Variants in HLF observed in about 807,000 individuals in gnomAD.
HLF encodes the protein hepatic leukemia factor.
In HLF, 3 loss-of-function variants were observed where a neutral mutation model predicts 22.6. The observed-to-expected ratio is 0.13, with a 90% CI of 0.06 to 0.34. The LOEUF is 0.34. HLF is among the 10% of genes least tolerant of loss of function. The probability of loss-of-function intolerance (pLI) is 1.00; values close to 1 mark genes in which losing one functional copy is unlikely to be tolerated. For missense variants in HLF, 299 were observed against 389.2 expected (o/e 0.77, Z 1.95); for synonymous variants, 151 against 151.8 (o/e 0.99, Z 0.04).
At chr17:55,287,638 G>GT (rs2081017926) in intron 2 of HLF, among the ~76,000 whole-genome samples, 1 of 152,234 alleles carries the variant, frequency 6.6e-6, no homozygotes, top group Non-Finnish European at 1.5e-5. Context: ...AGTAGTTTAA[G>GT]TTGTTGCACC....
At chr17:55,269,192 A>C (rs1158572004) in intron 2 of HLF, among the ~76,000 whole-genome samples, 1 of 152,202 alleles carries the variant, frequency 6.6e-6, no homozygotes, top group Non-Finnish European at 1.5e-5. Context: ...GAGGAAGAGA[A>C]TACCCCTGCC....
At chr17:55,267,407 G>A (rs2080802485) in intron 1 of HLF, among the ~76,000 whole-genome samples, 1 of 152,186 alleles carries the variant, frequency 6.6e-6, no homozygotes. Context: ...GACAGCAGTT[G>A]TATATAATCA....
intron 2 of HLF, among the ~76,000 whole-genome samples, chr17:55,306,811 T>G (rs922188037): frequency 1.3e-5 from 2 of 152,094 alleles, no homozygotes; most frequent in Non-Finnish European, 2.9e-5. Flanking sequence ...TTCTTTATTC[T>G]TTCTTTATTT....
intron 2 of HLF, among the ~76,000 whole-genome samples, chr17:55,271,171 G>A (rs185325979): frequency 7.9e-5 from 12 of 152,300 alleles, no homozygotes; most frequent in East Asian, 7.7e-4. Context: ...CCTGTCACAC[G>A]CATGGATAAA....
At chr17:55,296,900 GAGCTA>G (rs1435137187) in intron 2 of HLF, among the ~76,000 whole-genome samples, 1 of 152,084 alleles carries the variant, frequency 6.6e-6, no homozygotes, top group African/African-American at 2.4e-5. Flanking sequence ...GGTTGGAGGG[GAGCTA>G]AGTATCTGTA....
chr17:55,277,234 TA>T (rs869126339), intron 2 of HLF, among the ~76,000 whole-genome samples: 1 of 14,484 alleles, frequency 6.9e-5, no homozygotes, highest in African/African-American at 1.6e-4. Context: ...AACCAGATGT[TA>T]TGTGTATGTG....
intron 2 of HLF, among the ~76,000 whole-genome samples, chr17:55,270,818 AT>A (rs763498960): frequency 2.0e-5 from 3 of 151,582 alleles, no homozygotes; most frequent in South Asian, 4.2e-4. Flanking sequence ...TAATTTTTGT[AT>A]TTTTAGTAGA....
chr17:55,277,627 G>GC (rs1454397739), intron 2 of HLF, among the ~76,000 whole-genome samples: 2 of 151,806 alleles, frequency 1.3e-5, no homozygotes, highest in South Asian at 4.2e-4. Context: ...GATCGGATTG[G>GC]GGGGGGTTGG....
chr17:55,311,214 A>G (rs1459880697), intron 2 of HLF, among the ~76,000 whole-genome samples: 1 of 152,244 alleles, frequency 6.6e-6, no homozygotes, highest in Non-Finnish European at 1.5e-5. Context: ...CAAGATGTTC[A>G]GTGTCACCAG....
At chr17:55,277,024 AT>A (rs2080909774) in intron 2 of HLF, among the ~76,000 whole-genome samples, 1 of 152,154 alleles carries the variant, frequency 6.6e-6, no homozygotes, top group Non-Finnish European at 1.5e-5. Context: ...AAAACCCATA[AT>A]TTTGGTGATT....
chr17:55,299,124 G>C (rs1423122545), intron 2 of HLF, among the ~76,000 whole-genome samples: 1 of 152,228 alleles, frequency 6.6e-6, no homozygotes, highest in Non-Finnish European at 1.5e-5. Context: ...AAGGCTGGCA[G>C]TATTAGGAGA....
chr17:55,305,343 G>A (rs78947071), intron 2 of HLF, among the ~76,000 whole-genome samples: 2,146 of 152,322 alleles, frequency 0.014, 49 homozygotes, highest in African/African-American at 0.049. Context: ...GAGAGAGAGG[G>A]AGGTAAAAGA....
intron 2 of HLF, among the ~76,000 whole-genome samples, chr17:55,269,268 A>G (rs893199184): frequency 4.6e-5 from 7 of 152,044 alleles, no homozygotes; most frequent in Non-Finnish European, 4.4e-5. Context: ...TCCAAAATTC[A>G]CTTTGAATTA....
At chr17:55,306,063 T>C (rs1179463874) in intron 2 of HLF, among the ~76,000 whole-genome samples, 1 of 152,300 alleles carries the variant, frequency 6.6e-6, no homozygotes, top group East Asian at 1.9e-4. Context: ...TTACTATCAG[T>C]ATTACTGATA....
At chr17:55,295,794 C>G (rs1271393130) in intron 2 of HLF, among the ~76,000 whole-genome samples, 1 of 152,154 alleles carries the variant, frequency 6.6e-6, no homozygotes, top group African/African-American at 2.4e-5. Flanking sequence ...AGAACTGACC[C>G]TGGAATAAGA....
At chr17:55,279,732 T>G (rs1598391917) in intron 2 of HLF, among the ~76,000 whole-genome samples, 1 of 152,186 alleles carries the variant, frequency 6.6e-6, no homozygotes, top group East Asian at 1.9e-4. Context: ...AAGTGCGTAT[T>G]AGTGAATAGC....
chr17:55,283,370 A>ACT (rs1175653264), intron 2 of HLF: 2 of 152,232 alleles, frequency 1.3e-5, no homozygotes, highest in Admixed American at 1.3e-4. Context: ...GGCTCAGTGA[A>ACT]GAGTTCTGTG....
intron 2 of HLF, among the ~76,000 whole-genome samples, chr17:55,293,619 A>G (rs1046635772): frequency 3.3e-5 from 5 of 152,200 alleles, no homozygotes; most frequent in African/African-American, 9.6e-5. Flanking sequence ...TAGGTATACT[A>G]TTATTATTGT....
chr17:55,296,801 T>TGTGTGAGAAAAGTG (rs2081115159), intron 2 of HLF, among the ~76,000 whole-genome samples: 1 of 152,106 alleles, frequency 6.6e-6, no homozygotes, highest in Non-Finnish European at 1.5e-5. Flanking sequence ...CCACTAAAAG[T>TGTGTGAGAAAAGTG]GTGTGAGAAA....
Sources: gnomAD v4.1 joint callset for allele counts (sites outside exome capture counted in the v4.1 genomes callset) on GRCh38, gnomAD v4.1.1 for gene constraint, MANE v1.5 for transcripts, NCBI Gene and HGNC (gene_info 2026-07-23, HGNC 2026-07-21) for gene names.